The following AKR1E2 variants were observed in gnomAD, a reference collection of about 807,000 sequenced individuals.
AKR1E2 encodes the protein 1,5-anhydro-D-fructose reductase.
AKR1E2 carries 43 observed loss-of-function variants against 41.9 expected under a neutral mutation model. That is an observed-to-expected ratio of 1.03 (90% confidence interval 0.80 to 1.32). The LOEUF (loss-of-function observed/expected upper bound fraction) is 1.32. AKR1E2 is among the 40% of genes most tolerant of loss of function. The pLI, the probability that AKR1E2 is intolerant of heterozygous loss-of-function variation, is 0.00. For missense variants in AKR1E2, 423 were observed against 396.5 expected, an observed-to-expected ratio of 1.07 and a Z score of -0.57; for synonymous variants, 121 against 138.9, an observed-to-expected ratio of 0.87 and a Z score of 0.91.
chr10:4,865,853 A>G, the AKR1E2 span, among the ~76,000 whole-genome samples: 3 of 152,238 alleles, frequency 2.0e-5, no homozygotes, highest in Non-Finnish European at 4.4e-5. Context: ...TGCTCAAGTT[A>G]GAGAGTTATG....
the AKR1E2 span, among the ~76,000 whole-genome samples, chr10:4,860,723 T>A: frequency 2.6e-5 from 4 of 152,234 alleles, no homozygotes; most frequent in South Asian, 2.1e-4. Flanking sequence ...CTCTGTGCTC[T>A]CTCTAATATA....
In AKR1E2 at chr10:4,835,677, T is replaced by G. The variant is rs1469395603; in HGVS notation, c.327T>G (p.Pro109=). The change falls in exon 4 of 10, where the codon CCT becomes CCG. Residue 109 remains proline, a splice_region_variant and synonymous_variant. Coordinates refer to ENST00000298375, the MANE Select transcript of AKR1E2 (RefSeq NM_001040177.3). ...YLIHWPMGFK[P]PHPEWIMSCS... is the part of the protein sequence containing the mutation. Reference sequence around the variant, plus strand: ...ATCTCAACTCTCCTTCTTCGCAGCCTCCTCATCCAGAATGGATCATGAGCT... The same window carrying G: ...ATCTCAACTCTCCTTCTTCGCAGCCGCCTCATCCAGAATGGATCATGAGCT... 6 of 1,613,898 alleles carry G rather than the reference T, an allele frequency of 3.7e-6. No individual in the cohort carries two copies. Among genetic ancestry groups the G allele is most frequent in the Non-Finnish European group, 5.1e-6 (6 of 1,179,968 alleles).
the AKR1E2 span, among the ~76,000 whole-genome samples, chr10:4,859,331 G>A: frequency 1.3e-5 from 2 of 152,170 alleles, no homozygotes; most frequent in African/African-American, 4.8e-5. Flanking sequence ...AAAATGAAAC[G>A]TTGAGTGTGA....
rs1438753559 is a variant in AKR1E2, at chr10:4,835,819, G to GCCACA, written c.459+15_459+19dup. ...CCTGGACACGTGGGAGGTGAGCTGA[G>GCCACA]CCACACCACCAGGCAGCCTCATCCT... On this transcript the variant is annotated intron_variant, in intron 4 of 9. Coordinates refer to ENST00000298375, the MANE Select transcript of AKR1E2 (RefSeq NM_001040177.3). 1 of 1,613,392 alleles carries GCCACA rather than the reference G, an allele frequency of 6.2e-7. No individual in the cohort carries two copies. The highest frequency in any genetic ancestry group is 2.2e-5 in the East Asian group (1 of 44,866).
chr10:4,867,418 C>G, the AKR1E2 span, among the ~76,000 whole-genome samples: 4,446 of 152,332 alleles, frequency 0.029, 115 homozygotes, highest in Non-Finnish European at 0.05. Flanking sequence ...TCCCTGTCAC[C>G]ATTTTCTAAT....
At chr10:4,837,862 G>T (rs1833560805) in intron 5 of AKR1E2, among the ~76,000 whole-genome samples, 1 of 152,202 alleles carries the variant, frequency 6.6e-6, no homozygotes. Context: ...GAAGCAGTCA[G>T]GGTCCTGGCA....
At chr10:4,851,596 G>A (rs1340374437), downstream of AKR1E2, among the ~76,000 whole-genome samples, 1 of 152,168 alleles carries the variant, frequency 6.6e-6, no homozygotes, top group Non-Finnish European at 1.5e-5. Context: ...ACATTAGCTA[G>A]TACTAACTCG....
At chr10:4,857,400 C>T in the AKR1E2 span, among the ~76,000 whole-genome samples, 1 of 151,604 alleles carries the variant, frequency 6.6e-6, no homozygotes, top group East Asian at 1.9e-4. Flanking sequence ...TGTGTAGTAC[C>T]CCCCACACAC....
chr10:4,856,434 G>T, the AKR1E2 span, among the ~76,000 whole-genome samples: 2 of 152,146 alleles, frequency 1.3e-5, no homozygotes, highest in South Asian at 2.1e-4. Context: ...ATTATAAAGG[G>T]TTATAAAAGC....
Position 4,839,846 on chromosome 10 carries a change from G to A in AKR1E2, c.680+20G>A, listed in dbSNP as rs553954370. On this transcript the variant is annotated intron_variant, in intron 6 of 9. Coordinates refer to ENST00000298375, the MANE Select transcript of AKR1E2 (RefSeq NM_001040177.3). Reference sequence around the variant, plus strand: ...CTCGTGGTAAGGATACCTCAGTGGTGTGTTAGTCAGAGTCCGACTGGGAAG... The same window carrying A: ...CTCGTGGTAAGGATACCTCAGTGGTATGTTAGTCAGAGTCCGACTGGGAAG... The A allele has an allele frequency of 2.6e-5, 42 of 1,602,790 alleles. No individual in the cohort carries two copies. The South Asian group carries it at 4.5e-4, about 17-fold the overall frequency.
At chr10:4,846,456 C>T (rs928636277) in intron 8 of AKR1E2, among the ~76,000 whole-genome samples, 13 of 152,132 alleles carry the variant, frequency 8.5e-5, no homozygotes, top group East Asian at 1.9e-4. Flanking sequence ...GTCCCAGGGC[C>T]AAGTGGGTCC....
intron 9 of AKR1E2, 71 bp from the exon 10 acceptor site, chr10:4,847,417 C>A: frequency 1.9e-6 from 3 of 1,574,406 alleles, no homozygotes; most frequent in South Asian, 2.3e-5. Context: ...AAGTATATAC[C>A]ATTTAAAATG....
intron 5 of AKR1E2, among the ~76,000 whole-genome samples, chr10:4,839,188 A>G (rs905402367): frequency 2.0e-5 from 3 of 152,194 alleles, no homozygotes; most frequent in Non-Finnish European, 4.4e-5. Flanking sequence ...TGTATTTGTC[A>G]CATGTAGTTC....
chr10:4,865,542 A>G, the AKR1E2 span, among the ~76,000 whole-genome samples: 2 of 152,226 alleles, frequency 1.3e-5, no homozygotes, highest in South Asian at 4.1e-4. Context: ...CAAATTAATG[A>G]TAATTGAAAT....
At chr10:4,851,171 GA>G (rs1834519882), downstream of AKR1E2, among the ~76,000 whole-genome samples, 1 of 152,322 alleles carries the variant, frequency 6.6e-6, no homozygotes, top group South Asian at 2.1e-4. Context: ...TTTATATCAT[GA>G]AATTGATCAA....
the AKR1E2 span, among the ~76,000 whole-genome samples, chr10:4,864,431 C>T: frequency 6.6e-6 from 1 of 152,108 alleles, no homozygotes; most frequent in African/African-American, 2.4e-5. Context: ...TAAAAACTCT[C>T]AATAAATTAG....
intron 8 of AKR1E2, chr10:4,846,028 C>G (rs529233363): frequency 1.5e-4 from 57 of 370,092 alleles, no homozygotes; most frequent in African/African-American, 1.1e-3. Context: ...GCCCCAGTGC[C>G]GCTCAGAACT....
chr10:4,833,804 A>C (rs1833176787), intron 3 of AKR1E2, among the ~76,000 whole-genome samples: 1 of 152,156 alleles, frequency 6.6e-6, no homozygotes, highest in South Asian at 2.1e-4. Context: ...GAAAGTTCCC[A>C]GTGAATTCCT....
At chr10:4,863,206 G>A in the AKR1E2 span, among the ~76,000 whole-genome samples, 6 of 152,112 alleles carry the variant, frequency 3.9e-5, no homozygotes, top group African/African-American at 1.4e-4. Flanking sequence ...CCACATAGTT[G>A]GAAGTAAAGC....
Sources: gnomAD v4.1 joint callset for allele counts (sites outside exome capture counted in the v4.1 genomes callset) on GRCh38, gnomAD v4.1.1 for gene constraint, MANE v1.5 for transcripts, NCBI Gene and HGNC (gene_info 2026-07-23, HGNC 2026-07-21) for gene names.